The following SIAH2 variants were observed in gnomAD, a reference collection of about 807,000 sequenced individuals.
The protein encoded by SIAH2 is siah E3 ubiquitin protein ligase 2, also known as E3 ubiquitin-protein ligase SIAH2.
Under a neutral mutation model 20.4 loss-of-function variants are expected in SIAH2, and 4 were observed. The observed-to-expected ratio is 0.20, with a 90% CI of 0.10 to 0.45. SIAH2 has a LOEUF of 0.45. Ranked by LOEUF, SIAH2 falls within the 20% of genes least tolerant of loss-of-function variation. The pLI, the probability that SIAH2 is intolerant of heterozygous loss-of-function variation, is 0.99. For missense variants in SIAH2, 259 were observed against 440.3 expected (o/e 0.59, Z 3.69); for synonymous variants, 171 against 192.5 (o/e 0.89, Z 0.93).
intron 1 of SIAH2, among the ~76,000 whole-genome samples, chr3:150,751,405 C>CAG (rs1159947370): frequency 6.6e-6 from 1 of 150,438 alleles, no homozygotes; most frequent in Non-Finnish European, 1.5e-5. Context: ...GCCTGGGTGA[C>CAG]AGAGAGAGAC....
Position 150,762,868 on chromosome 3 carries a change from T to C in SIAH2, c.-19A>G. The C allele has an allele frequency of 3.4e-6, 4 of 1,190,162 alleles. No individual in the cohort carries two copies. Among genetic ancestry groups the C allele is most frequent in the Non-Finnish European group, 4.2e-6 (4 of 948,536 alleles). 73.7% of individuals were successfully genotyped at this position (1,190,162 alleles called of 1,614,324 possible). Reference sequence around the variant, plus strand: ...GGCTCATCGCGCTCCGAACCAACCATGGAACTGCGGGCGCCTGCCTGCCGC... The same window carrying C: ...GGCTCATCGCGCTCCGAACCAACCACGGAACTGCGGGCGCCTGCCTGCCGC... On this transcript the variant is annotated 5_prime_UTR_variant, in exon 1 of 2. The change abolishes an upstream ATG in the 5' untranslated region. Coordinates refer to ENST00000312960, the MANE Select transcript of SIAH2 (RefSeq NM_005067.7). This position sits in a 1 kb window ranked among gnomAD's most constrained non-coding sequence, Gnocchi z 6.6.
Position 150,742,195 on chromosome 3 carries a change from A to C in SIAH2, c.921T>G (p.Phe307Leu), listed in dbSNP as rs1714101924. 6.2e-7 allele frequency: 1 copy of C among 1,614,042 alleles called. No homozygotes were observed. Among genetic ancestry groups the C allele is most frequent in the Non-Finnish European group, 8.5e-7 (1 of 1,179,968 alleles). ...TGATTCCAAGGTTCCCATTATCTGC[A>C]AAAAGATGTGCTATGGCTGTGTCGA... ...LVFDTAIAHLFADNGNLGINV... is the reference protein window; with the variant it reads ...LVFDTAIAHLLADNGNLGINV... The change falls in exon 2 of 2, where the codon TTT becomes TTG. Residue 307 changes from phenylalanine (F) to leucine (L), a missense_variant. Physicochemically the swap from Phe to Leu is conservative, Grantham distance 22. Around this residue, in one of 2 missense-constraint regions of SIAH2, gnomAD observed 160 missense variants for 327.6 expected, o/e 0.49. Transcript: ENST00000312960. This position sits in a 1 kb window ranked among gnomAD's most constrained non-coding sequence, Gnocchi z 4.8.
chr3:150,749,547 C>A (rs1434267952), intron 1 of SIAH2, among the ~76,000 whole-genome samples: 1 of 152,024 alleles, frequency 6.6e-6, no homozygotes, highest in Non-Finnish European at 1.5e-5. Context: ...AATCCAGGGA[C>A]CGAGTTAGCA....
At chr3:150,755,322 CTTTTTTTTTTTTTTTT>C (rs386398232) in intron 1 of SIAH2, among the ~76,000 whole-genome samples, 1 of 80,136 alleles carries the variant, frequency 1.2e-5, no homozygotes, top group Admixed American at 1.9e-4. Flanking sequence ...CTTTTCTTCC[CTTTTTTTTTTTTTTTT>C]TTTTTTTTTT....
chr3:150,745,240 T>TACACACAC (rs5853495), intron 1 of SIAH2, among the ~76,000 whole-genome samples: 4,833 of 140,614 alleles, frequency 0.034, 165 homozygotes, highest in East Asian at 0.13. Context: ...TTTAACCCCC[T>TACACACAC]ACACACACAC....
intron 1 of SIAH2, among the ~76,000 whole-genome samples, chr3:150,748,886 G>A (rs1036346853): frequency 6.6e-6 from 1 of 152,128 alleles, no homozygotes; most frequent in East Asian, 1.9e-4. Flanking sequence ...TTCATTACTG[G>A]GGCAAAAGCT....
intron 1 of SIAH2, among the ~76,000 whole-genome samples, chr3:150,746,510 C>T (rs1433434207): frequency 6.6e-6 from 1 of 152,136 alleles, no homozygotes; most frequent in Non-Finnish European, 1.5e-5. Context: ...ACATTTTGGA[C>T]CTGATAATTC....
At position 150,742,658 on chromosome 3, in the gene SIAH2, T is replaced by G; in HGVS notation, c.458A>C (p.Glu153Ala). The change falls in exon 2 of 2, where the codon GAG (glutamate) becomes GCG (alanine). Residue 153 changes from glutamate (E) to alanine (A), a missense_variant. Physicochemically the swap from Glu to Ala is moderately radical, Grantham distance 107. This residue lies in a region of SIAH2 where 160 missense variants were observed against 327.6 expected (regional missense o/e 0.49). Transcript: ENST00000312960. This position sits in a 1 kb window ranked among gnomAD's most constrained non-coding sequence, Gnocchi z 4.8. ...ACATATGTCTTCATGTTCTGGTTTC[T>G]CCGTATGGTGCAGGGTCAGGGAACA... ...TGCSLTLHHT[E>A]KPEHEDICEY... 1 of 1,576,486 alleles carries G rather than the reference T, an allele frequency of 6.3e-7. No individual in the cohort carries two copies. The highest frequency in any genetic ancestry group is 8.6e-7 in the Non-Finnish European group (1 of 1,158,854).
chr3:150,762,876 C>T lies in SIAH2; in HGVS notation c.-27G>A, dbSNP rs766574723. 3.4e-6 allele frequency: 4 copies of T among 1,176,858 alleles called. No individual in the cohort carries two copies. Among genetic ancestry groups the T allele is most frequent in the Non-Finnish European group, 4.2e-6 (4 of 941,560 alleles). 72.9% of individuals were successfully genotyped at this position (1,176,858 alleles called of 1,614,324 possible). The stretch of plus-strand genomic sequence containing the variant: ...GCGCTCCGAACCAACCATGGAACTG[C>T]GGGCGCCTGCCTGCCGCGGGGCCGC... On this transcript the variant is annotated 5_prime_UTR_variant, in exon 1 of 2. Transcript: ENST00000312960. This position sits in a 1 kb window ranked among gnomAD's most constrained non-coding sequence, Gnocchi z 6.6.
intron 1 of SIAH2, among the ~76,000 whole-genome samples, chr3:150,749,466 C>T (rs548217071): frequency 3.3e-5 from 5 of 152,182 alleles, no homozygotes; most frequent in East Asian, 3.9e-4. Flanking sequence ...ATTGTACCAC[C>T]GCCCTCCAGC....
At chr3:150,745,281 CA>C (rs1714187090) in intron 1 of SIAH2, among the ~76,000 whole-genome samples, 2 of 140,896 alleles carry the variant, frequency 1.4e-5, no homozygotes, top group African/African-American at 5.6e-5. Flanking sequence ...ACACACACCC[CA>C]CATTTCATAC....
chr3:150,762,313 TTTTC>T lies in SIAH2; in HGVS notation c.417+116_417+119del. ...GGAGGGTGGACGAAGTGTAAACATT[TTTTC>T]TTTTTTTTTTTTAAATGAGAGATGC... On this transcript the variant is annotated intron_variant, in intron 1 of 1. Coordinates refer to ENST00000312960, the MANE Select transcript of SIAH2 (RefSeq NM_005067.7). This position sits in a 1 kb window ranked among gnomAD's most constrained non-coding sequence, Gnocchi z 6.6. The T allele has an allele frequency of 6.8e-7, 1 of 1,479,372 alleles. No individual in the cohort carries two copies. The highest frequency in any genetic ancestry group is 8.9e-7 in the Non-Finnish European group (1 of 1,123,206). The allele number at this position is 1,479,372 out of a possible 1,614,324, so 91.6% of individuals were successfully genotyped here. A position where few individuals can be genotyped will look rare whatever the true frequency, so the allele number is the denominator to read the frequency against.
At chr3:150,755,890 T>C (rs1350998135) in intron 1 of SIAH2, among the ~76,000 whole-genome samples, 1 of 151,374 alleles carries the variant, frequency 6.6e-6, no homozygotes, top group Non-Finnish European at 1.5e-5. Context: ...GACCTCATGA[T>C]CTGCCCTCCT....
rs6764676 is a variant in SIAH2 at position 150,750,457 on chromosome 3, A to G, written c.418-7759T>C. On this transcript the variant is annotated intron_variant, in intron 1 of 1. Coordinates refer to ENST00000312960, the MANE Select transcript of SIAH2 (RefSeq NM_005067.7). ...GGACTTAGAATTTAAAAAAAAATCA[A>G]TAGATTTTGAGATCATGTAAGAAGA... Among the ~76,000 whole-genome samples the G allele has an allele frequency of 6.1e-3, 922 of 152,338 alleles. 7 individuals carry two copies. The highest frequency in any genetic ancestry group is 0.021 in the African/African-American group (860 of 41,568).
chr3:150,746,002 G>A (rs1251285898), intron 1 of SIAH2, among the ~76,000 whole-genome samples: 1 of 152,238 alleles, frequency 6.6e-6, no homozygotes, highest in Non-Finnish European at 1.5e-5. Context: ...AGGGTGAGGA[G>A]GACATGGTAA....
intron 1 of SIAH2, among the ~76,000 whole-genome samples, chr3:150,761,020 C>G (rs565134303): frequency 6.6e-5 from 10 of 152,328 alleles, no homozygotes; most frequent in African/African-American, 2.4e-4. Context: ...TTTAAATATG[C>G]TATTTTAAAC....
Position 150,742,515 on chromosome 3 carries a change from C to T in SIAH2, c.601G>A (p.Glu201Lys). Residue 201 changes from glutamate (E) to lysine (K), a missense_variant, in exon 2 of 2, where the codon GAA becomes AAA. Transcript: ENST00000312960. This position sits in a 1 kb window ranked among gnomAD's most constrained non-coding sequence, Gnocchi z 4.8. ...TCTGTAGCTAGAAAGACGATGTCTTCTCCCTGAAGGGTGGTAATGCTCTTG... is the reference window on the plus strand; with the variant it reads ...TCTGTAGCTAGAAAGACGATGTCTTTTCCCTGAAGGGTGGTAATGCTCTTG... ...AHKSITTLQG[E>K]DIVFLATDIN... 6.2e-7 allele frequency: 1 copy of T among 1,614,176 alleles called. No individual in the cohort carries two copies. The highest frequency in any genetic ancestry group is 8.5e-7 in the Non-Finnish European group (1 of 1,180,006).
At chr3:150,743,827 A>C (rs764028216) in intron 1 of SIAH2, among the ~76,000 whole-genome samples, 2 of 152,072 alleles carry the variant, frequency 1.3e-5, no homozygotes, top group Non-Finnish European at 2.9e-5. Flanking sequence ...GCTGTTCTGT[A>C]AAGAATTAAG....
At chr3:150,756,773 T>C (rs1479358855) in intron 1 of SIAH2, among the ~76,000 whole-genome samples, 1 of 152,240 alleles carries the variant, frequency 6.6e-6, no homozygotes, top group African/African-American at 2.4e-5. Context: ...AGGTGTATTA[T>C]CAATTTTGTT....
Sources: allele counts gnomAD v4.1 joint callset (sites outside exome capture counted in the v4.1 genomes callset), GRCh38; gene constraint gnomAD v4.1.1; regional missense constraint gnomAD v4.1.1; non-coding constraint Gnocchi (gnomAD v3.1); transcripts MANE v1.5; gene names NCBI Gene and HGNC (gene_info 2026-07-23, HGNC 2026-07-21).